ARHGAP26: variants seen among roughly 807,000 people sequenced by gnomAD.
The protein encoded by ARHGAP26 is rho GTPase-activating protein 26.
Under a neutral mutation model 104.8 loss-of-function variants are expected in ARHGAP26, and 38 were observed. The observed-to-expected ratio is 0.36, with a 90% CI of 0.28 to 0.48. ARHGAP26 has a LOEUF of 0.48. Ranked by LOEUF, ARHGAP26 falls within the 20% of genes least tolerant of loss-of-function variation. ARHGAP26 has a pLI of 0.99. For synonymous variants in ARHGAP26, 341 were observed against 340.0 expected (o/e 1.00, Z -0.03); for missense variants, 704 against 947.9 (o/e 0.74, Z 3.38).
intron 14 of ARHGAP26, among the ~76,000 whole-genome samples, chr5:143,045,812 A>G (rs1213156997): frequency 6.6e-6 from 1 of 152,222 alleles, no homozygotes; most frequent in Non-Finnish European, 1.5e-5. Flanking sequence ...AGCCAGGCCA[A>G]CATGGTGAAA....
At chr5:143,210,613 C>T (rs1809304470) in intron 21 of ARHGAP26, among the ~76,000 whole-genome samples, 1 of 152,214 alleles carries the variant, frequency 6.6e-6, no homozygotes, top group South Asian at 2.1e-4. Context: ...AAGCCGATAG[C>T]CCCAAACCCG....
intron 12 of ARHGAP26, among the ~76,000 whole-genome samples, chr5:143,026,122 A>G (rs1781016897): frequency 6.6e-6 from 1 of 152,180 alleles, no homozygotes; most frequent in South Asian, 2.1e-4. Flanking sequence ...GAAGGTACCA[A>G]TATATGCAGC....
intron 19 of ARHGAP26, among the ~76,000 whole-genome samples, chr5:143,144,880 T>C (rs12108936): frequency 0.042 from 6,406 of 152,348 alleles, 449 homozygotes; most frequent in African/African-American, 0.14. Flanking sequence ...CTTTTGGCTT[T>C]GATCTTCTAC....
At chr5:142,821,048 A>T (rs1766062310) in intron 1 of ARHGAP26, among the ~76,000 whole-genome samples, 1 of 152,336 alleles carries the variant, frequency 6.6e-6, no homozygotes, top group Admixed American at 6.5e-5. Context: ...GGACTCCTTG[A>T]GGTGGAACTC....
intron 11 of ARHGAP26, among the ~76,000 whole-genome samples, chr5:142,943,713 T>C (rs1176798660): frequency 6.6e-6 from 1 of 152,200 alleles, no homozygotes; most frequent in Non-Finnish European, 1.5e-5. Context: ...ATTTATCAGT[T>C]CTAAATATAG....
chr5:142,936,226 G>A (rs1393127810), intron 11 of ARHGAP26, among the ~76,000 whole-genome samples: 1 of 151,716 alleles, frequency 6.6e-6, no homozygotes, highest in Non-Finnish European at 1.5e-5. Flanking sequence ...TCATATTTCT[G>A]TAGATTAGCC....
In ARHGAP26 at chr5:142,903,659, G is replaced by T. The variant is rs1457614814; in HGVS notation, c.822G>T (p.Val274=). The change falls in exon 8 of 23, where the codon GTG becomes GTT. Residue 274 remains valine (V), a synonymous_variant. Coordinates refer to ENST00000645722, the MANE Select transcript of ARHGAP26 (RefSeq NM_001135608.3). ...ACACCATGGAGGGATACCTCTACGT[G>T]CAGGAGAAACGTGAGTGCTTTGACT... ...SPYTMEGYLY[V]QEKRHFGTSW... is the part of the protein sequence containing the mutation. 6.2e-7 allele frequency: 1 copy of T among 1,613,532 alleles called. No individual in the cohort carries two copies. Among genetic ancestry groups the T allele is most frequent in the Non-Finnish European group, 8.5e-7 (1 of 1,179,758 alleles).
At position 143,227,323 on chromosome 5, in the gene ARHGAP26, T is replaced by C. The variant is rs1163299506; in HGVS notation, c.*4877T>C. The stretch of plus-strand genomic sequence containing the variant: ...CCTAGGTGTTCTGCCAAAGGAGTTA[T>C]CTATCATCTCTGGCAAACTTGACAA... On this transcript the variant is annotated 3_prime_UTR_variant, in exon 23 of 23. Transcript: ENST00000645722. 4.3e-6 allele frequency: 1 copy of C among 230,812 alleles called. No individual in the cohort carries two copies. The highest frequency in any genetic ancestry group is 2.2e-5 in the African/African-American group (1 of 45,202). The allele number at this position is 230,812 out of a possible 1,614,324, so 14.3% of individuals were successfully genotyped here.
intron 11 of ARHGAP26, among the ~76,000 whole-genome samples, chr5:142,951,338 G>A (rs1768359501): frequency 6.6e-6 from 1 of 152,230 alleles, no homozygotes; most frequent in South Asian, 2.1e-4. Context: ...GGGATTACAG[G>A]CATGAGCCAC....
At chr5:143,203,400 A>G (rs186214060) in intron 20 of ARHGAP26, 9 of 152,374 alleles carry the variant, frequency 5.9e-5, no homozygotes, top group African/African-American at 1.2e-4. Flanking sequence ...TAGAATGGCA[A>G]TCATTAAAAA....
At chr5:143,051,149 G>A (rs1359271074) in intron 14 of ARHGAP26, among the ~76,000 whole-genome samples, 2 of 152,088 alleles carry the variant, frequency 1.3e-5, no homozygotes, top group Non-Finnish European at 2.9e-5. Flanking sequence ...ACTATAATGT[G>A]TTATTAGGAA....
chr5:142,948,390 T>C (rs1010861319), intron 11 of ARHGAP26, among the ~76,000 whole-genome samples: 5 of 146,470 alleles, frequency 3.4e-5, no homozygotes, highest in South Asian at 2.3e-4. Context: ...TATATGACTA[T>C]ACGTACTTGT....
chr5:143,187,375 T>C (rs971981677), intron 20 of ARHGAP26, among the ~76,000 whole-genome samples: 5 of 152,200 alleles, frequency 3.3e-5, no homozygotes, highest in Non-Finnish European at 5.9e-5. Flanking sequence ...CCAAGCCATT[T>C]TTTCCTCTTT....
intron 17 of ARHGAP26, among the ~76,000 whole-genome samples, chr5:143,079,616 G>A (rs1305729563): frequency 1.3e-5 from 2 of 152,148 alleles, no homozygotes; most frequent in Non-Finnish European, 2.9e-5. Context: ...CGGATTAAAC[G>A]AACATGTTTT....
intron 11 of ARHGAP26, among the ~76,000 whole-genome samples, chr5:143,006,316 CTTT>C (rs34154406): frequency 0.03 from 3,396 of 112,804 alleles, 71 homozygotes; most frequent in South Asian, 0.066. Context: ...AGTGTTTTTT[CTTT>C]TTTTTTTTTT....
At chr5:142,784,490 A>G (rs570003013) in intron 1 of ARHGAP26, among the ~76,000 whole-genome samples, 3 of 152,326 alleles carry the variant, frequency 2.0e-5, no homozygotes, top group East Asian at 1.9e-4. Context: ...TTGTTTTCCT[A>G]AGGAGTCTAA....
chr5:142,902,514 G>T (rs1469587552), intron 7 of ARHGAP26, among the ~76,000 whole-genome samples: 1 of 152,342 alleles, frequency 6.6e-6, no homozygotes, highest in South Asian at 2.1e-4. Flanking sequence ...TCCGTGCTTC[G>T]CTCCCAGTGT....
intron 1 of ARHGAP26, among the ~76,000 whole-genome samples, chr5:142,823,612 GA>G (rs200161295): frequency 1.4e-4 from 21 of 149,872 alleles, no homozygotes; most frequent in South Asian, 4.2e-4. Context: ...AGTACTATAA[GA>G]AAAAAAAAAT....
At chr5:142,963,190 A>ACATATATATATATATATATATG (rs1562164745) in intron 11 of ARHGAP26, among the ~76,000 whole-genome samples, 6 of 100,520 alleles carry the variant, frequency 6.0e-5, no homozygotes, top group African/African-American at 4.3e-4. Flanking sequence ...ATATATATAT[A>ACATATATATATATATATATATG]TATATATATG....
Sources: allele counts gnomAD v4.1 joint callset (sites outside exome capture counted in the v4.1 genomes callset), GRCh38; gene constraint gnomAD v4.1.1; transcripts MANE v1.5; gene names NCBI Gene and HGNC (gene_info 2026-07-23, HGNC 2026-07-21).